Variants in PRDM16 observed in about 807,000 individuals in gnomAD.
PRDM16 encodes histone-lysine N-methyltransferase PRDM16.
In PRDM16, 23 loss-of-function variants were observed where a neutral mutation model predicts 110.6. The ratio of observed to expected loss-of-function variants is 0.21; its 90% CI spans 0.15 to 0.29. The LOEUF (loss-of-function observed/expected upper bound fraction) is 0.29. PRDM16 is among the 10% of genes least tolerant of loss of function. PRDM16 has a pLI of 1.00. For missense variants in PRDM16, 1,615 were observed against 1,794.3 expected, an observed-to-expected ratio of 0.90 and a Z score of 1.81; for synonymous variants, 799 against 781.8, an observed-to-expected ratio of 1.02 and a Z score of -0.37.
In PRDM16 at chr1:3,425,722, C is replaced by T. The variant is rs774938714; in HGVS notation, c.3081C>T (p.Leu1027=). 2 of 1,613,784 alleles carry T rather than the reference C, an allele frequency of 1.2e-6. No homozygotes were observed. The highest frequency in any genetic ancestry group is 1.7e-5 in the Admixed American group (1 of 60,018). The change falls in exon 13 of 17, where the codon CTC becomes CTT. Residue 1027 remains leucine (L), a synonymous_variant. Coordinates refer to ENST00000270722, the MANE Select transcript of PRDM16 (RefSeq NM_022114.4). This position sits in a 1 kb window ranked among gnomAD's most constrained non-coding sequence, Gnocchi z 6.9. ...FGQQTNLDRH[L]KKHEHENAPV... The stretch of plus-strand genomic sequence containing the variant: ...AGCAGACCAACCTGGACCGGCACCT[C>T]AAGAAGCACGAGCACGAGAACGCAC...
chr1:3,073,181 G>C (rs531430130), intron 1 of PRDM16, among the ~76,000 whole-genome samples: 1 of 152,298 alleles, frequency 6.6e-6, no homozygotes, highest in East Asian at 1.9e-4. Context: ...CATTTCTGCC[G>C]GGAGGCTGGG....
chr1:3,082,204 C>T (rs140056261), intron 1 of PRDM16, among the ~76,000 whole-genome samples: 1 of 152,308 alleles, frequency 6.6e-6, no homozygotes, highest in African/African-American at 2.4e-5. Flanking sequence ...GAGGCCCCCG[C>T]GGCCAGGCCC....
chr1:3,404,785 T>C lies in PRDM16; in HGVS notation c.931T>C (p.Cys311Arg), dbSNP rs759570043. The change falls in exon 7 of 17, where the codon TGC (cysteine) becomes CGC (arginine). Residue 311 changes from cysteine to arginine, a missense_variant. By Grantham distance (180) the Cys-to-Arg change is radical (BLOSUM62 -3). Transcript: ENST00000270722. The stretch of plus-strand genomic sequence containing the variant: ...CCACACGGAGGAGCGCGAGTACAAA[T>C]GCGACCAGTGTCCCAAGGCCTTCAA... Reference protein sequence around the residue: ...VIHTEEREYKCDQCPKAFNWK... With the variant: ...VIHTEEREYKRDQCPKAFNWK... The C allele has an allele frequency of 2.5e-6, 4 of 1,613,602 alleles. No individual in the cohort carries two copies. The highest frequency in any genetic ancestry group is 3.4e-6 in the Non-Finnish European group (4 of 1,179,968).
At chr1:3,326,014 C>T (rs1302218604) in intron 3 of PRDM16, among the ~76,000 whole-genome samples, 1 of 131,920 alleles carries the variant, frequency 7.6e-6, no homozygotes, top group Non-Finnish European at 1.6e-5. Context: ...TGGCCATCCT[C>T]GACCATCCTT....
chr1:3,093,820 C>T (rs537298090), intron 1 of PRDM16, among the ~76,000 whole-genome samples: 9 of 152,306 alleles, frequency 5.9e-5, no homozygotes, highest in African/African-American at 2.2e-4. Context: ...AGCCCAGCTC[C>T]GAAGCGCAGG....
intron 8 of PRDM16, among the ~76,000 whole-genome samples, chr1:3,410,347 G>T (rs1476385740): frequency 6.6e-6 from 1 of 152,188 alleles, no homozygotes; most frequent in African/African-American, 2.4e-5. Context: ...GAGAGAAGAT[G>T]CTGGCACTCG....
chr1:3,070,430 G>A (rs1364325655), intron 1 of PRDM16, among the ~76,000 whole-genome samples: 8 of 148,094 alleles, frequency 5.4e-5, no homozygotes, highest in Non-Finnish European at 1.2e-4. Context: ...GGCCCGGCCA[G>A]CGCGGCTCCC....
chr1:3,414,436 T>A (rs1476391586), intron 9 of PRDM16, 124 bp from the exon 10 acceptor site: 4 of 705,844 alleles, frequency 5.7e-6, no homozygotes, highest in Non-Finnish European at 1.0e-5. Flanking sequence ...CACGGCGAGG[T>A]CCACACCATG....
intron 5 of PRDM16, among the ~76,000 whole-genome samples, chr1:3,402,143 G>T (rs1184393033): frequency 6.6e-6 from 1 of 152,254 alleles, no homozygotes; most frequent in Admixed American, 6.5e-5. Context: ...ATTTGGGAAA[G>T]AGCTCAGTGC....
intron 8 of PRDM16, among the ~76,000 whole-genome samples, chr1:3,408,673 A>AGCACGTGAGCTGGTGTGT (rs1557658533): frequency 1.5e-5 from 2 of 130,324 alleles, no homozygotes; most frequent in Non-Finnish European, 3.2e-5. Context: ...AGAGTGTGTG[A>AGCACGTGAGCTGGTGTGT]GTGTGAGCAC....
chr1:3,183,469 C>T (rs1644233261), intron 1 of PRDM16, among the ~76,000 whole-genome samples: 2 of 152,298 alleles, frequency 1.3e-5, no homozygotes, highest in South Asian at 2.1e-4. Flanking sequence ...ACGAATTAGC[C>T]CTCCTCTCAC....
At position 3,240,832 on chromosome 1, in the gene PRDM16, A is replaced by G. The variant is rs1247232060; in HGVS notation, c.388-3255A>G. Among the ~76,000 whole-genome samples the G allele has an allele frequency of 2.0e-5, 3 of 152,388 alleles. No individual in the cohort carries two copies. In the East Asian group the frequency reaches 5.8e-4, roughly 29 times the overall value. On this transcript the variant is annotated intron_variant, in intron 2 of 16. Coordinates refer to ENST00000270722, the MANE Select transcript of PRDM16 (RefSeq NM_022114.4). The stretch of plus-strand genomic sequence containing the variant: ...AAGAGTCAAAAAAGAGGTTCTGACC[A>G]ACCCCACTTAGCTAAATCCTGGCGC...
rs570512349 is a variant in PRDM16 at position 3,244,199 on chromosome 1, G to A, written c.438+62G>A. 104 of 1,464,514 alleles carry A rather than the reference G, an allele frequency of 7.1e-5. No homozygotes were observed. The highest frequency in any genetic ancestry group is 9.5e-5 in the Non-Finnish European group (99 of 1,047,246). 90.7% of individuals were successfully genotyped at this position (1,464,514 alleles called of 1,614,324 possible). A position where few individuals can be genotyped will look rare whatever the true frequency, so the allele number is the denominator to read the frequency against. On this transcript the variant is annotated intron_variant, in intron 3 of 16. Transcript: ENST00000270722. This position sits in a 1 kb window ranked among gnomAD's most constrained non-coding sequence, Gnocchi z 4.1. ...GCGTCCTCGGAGCTCCTGGCGGGGC[G>A]ACCGCCATCCCAGCTGTCCCTGAGC...
intron 6 of PRDM16, 68 bp downstream of exon 6, chr1:3,403,066 G>A (rs1031439063): frequency 4.1e-5 from 29 of 698,996 alleles, no homozygotes; most frequent in Admixed American, 3.9e-4. Flanking sequence ...TCCCCTTCCC[G>A]TGCCCTCCTC....
At chr1:3,120,636 C>T (rs1357680314) in intron 1 of PRDM16, among the ~76,000 whole-genome samples, 1 of 152,176 alleles carries the variant, frequency 6.6e-6, no homozygotes, top group Non-Finnish European at 1.5e-5. Context: ...CCCCTGGGAG[C>T]GGGAGGATGC....
intron 3 of PRDM16, among the ~76,000 whole-genome samples, chr1:3,321,981 G>A (rs1408778792): frequency 6.6e-6 from 1 of 151,112 alleles, no homozygotes; most frequent in Admixed American, 6.6e-5. Context: ...TATTTGTGTG[G>A]GGGTGCATGT....
chr1:3,424,933 C>T (rs1037669099), intron 12 of PRDM16: 1 of 152,508 alleles, frequency 6.6e-6, no homozygotes, highest in East Asian at 1.9e-4. Flanking sequence ...GGCCCCGCGG[C>T]CTGGGGGCCA....
intron 3 of PRDM16, among the ~76,000 whole-genome samples, chr1:3,276,644 T>C (rs1640588796): frequency 5.9e-5 from 1 of 16,818 alleles, no homozygotes; most frequent in South Asian, 1.6e-3. Flanking sequence ...GGCAGCATGT[T>C]CAGCTCGTCG....
intron 2 of PRDM16, among the ~76,000 whole-genome samples, chr1:3,202,179 A>T (rs1195185498): frequency 6.6e-6 from 1 of 152,138 alleles, no homozygotes; most frequent in East Asian, 1.9e-4. Flanking sequence ...CTCATGGTAG[A>T]CTTTCATCAT....
Sources: allele counts gnomAD v4.1 joint callset (sites outside exome capture counted in the v4.1 genomes callset), GRCh38; gene constraint gnomAD v4.1.1; non-coding constraint Gnocchi (gnomAD v3.1); transcripts MANE v1.5; gene names NCBI Gene and HGNC (gene_info 2026-07-23, HGNC 2026-07-21).